ICE1: variants seen among roughly 807,000 people sequenced by gnomAD.
ICE1 encodes the protein little elongation complex subunit 1.
ICE1 carries 64 observed loss-of-function variants against 192.7 expected under a neutral mutation model. That is an observed-to-expected ratio of 0.33 (90% CI 0.27 to 0.41). ICE1 has a LOEUF of 0.41. Ranked by LOEUF, ICE1 falls within the 10% of genes least tolerant of loss-of-function variation. The pLI is 1.00. For missense variants in ICE1, 2,708 were observed against 2,696.0 expected (o/e 1.00, Z -0.10); for synonymous variants, 1,010 against 984.5 (o/e 1.03, Z -0.49).
intron 1 of ICE1, among the ~76,000 whole-genome samples, chr5:5,430,652 C>G (rs1304795605): frequency 6.6e-6 from 1 of 152,186 alleles, no homozygotes; most frequent in Non-Finnish European, 1.5e-5. Flanking sequence ...AAATAGTAGA[C>G]TCATTGCTGA....
chr5:5,464,235 C>G lies in ICE1; in HGVS notation c.4901C>G (p.Pro1634Arg). ...CAAGAGGTGGGGCCTCCTTTGCCGC[C>G]TCTGCTTGCTCCTCTGATAGCTACA... ...IRQEVGPPLP[P>R]LLAPLIATPP... Residue 1634 changes from proline to arginine, a missense_variant, in exon 13 of 19, where the codon CCT becomes CGT. By Grantham distance (103) the Pro-to-Arg change is moderately radical. Coordinates refer to ENST00000296564, the MANE Select transcript of ICE1 (RefSeq NM_015325.3). The surrounding 1 kb of genome is among the most constrained non-coding windows in gnomAD (Gnocchi z 4.0). 1 of 1,613,532 alleles carries G rather than the reference C, an allele frequency of 6.2e-7. No individual in the cohort carries two copies. Among genetic ancestry groups the G allele is most frequent in the South Asian group, 1.1e-5 (1 of 91,046 alleles).
chr5:5,449,220 T>G (rs16875582), intron 10 of ICE1, among the ~76,000 whole-genome samples: 8,631 of 152,242 alleles, frequency 0.057, 795 homozygotes, highest in African/African-American at 0.2. Flanking sequence ...ATATGTCTGT[T>G]GTATATTTTA....
chr5:5,469,913 T>C (rs16875609), intron 15 of ICE1, among the ~76,000 whole-genome samples: 7,745 of 152,222 alleles, frequency 0.051, 645 homozygotes, highest in East Asian at 0.35. Flanking sequence ...TGACTCCTAC[T>C]AATGGATACC....
At chr5:5,478,708 A>G (rs184010386) in intron 17 of ICE1, among the ~76,000 whole-genome samples, 1 of 152,336 alleles carries the variant, frequency 6.6e-6, no homozygotes, top group African/African-American at 2.4e-5. Context: ...CTAAAAGGCT[A>G]TAGAAGCCAA....
chr5:5,484,159 C>T lies in ICE1; in HGVS notation c.6521-2562C>T, dbSNP rs145861400. 4.7e-3 allele frequency among the ~76,000 whole-genome samples: 712 copies of T among 152,208 alleles called. 7 individuals are homozygous for T. Among genetic ancestry groups the T allele is most frequent in the African/African-American group, 0.016 (675 of 41,518 alleles). On this transcript the variant is annotated intron_variant, in intron 17 of 18. Coordinates refer to ENST00000296564, the MANE Select transcript of ICE1 (RefSeq NM_015325.3). ...TGGGGAGCTCTTCCTCCATCATGGC[C>T]AATCTGTCATCTCTGTCAGGTCATC...
At chr5:5,489,118 G>C in intron 18 of ICE1, 31 bp from the exon 19 acceptor site, 1 of 1,600,568 alleles carries the variant, frequency 6.2e-7, no homozygotes, top group Non-Finnish European at 8.5e-7. Context: ...ATATTTTCTT[G>C]TTTTATGACT....
intron 10 of ICE1, among the ~76,000 whole-genome samples, chr5:5,452,545 T>C (rs1164723061): frequency 6.6e-6 from 1 of 152,084 alleles, no homozygotes; most frequent in Non-Finnish European, 1.5e-5. Context: ...TACATAAACA[T>C]GTTCCTGGAT....
rs759097794 is a variant in ICE1, at chr5:5,443,081, T to G, written c.310-87T>G. The G allele has an allele frequency of 3.1e-5, 22 of 702,832 alleles. 1 individual carries two copies. The highest frequency in any genetic ancestry group is 4.5e-5 in the Non-Finnish European group (19 of 422,534). The allele number at this position is 702,832 out of a possible 1,614,324, so 43.5% of individuals were successfully genotyped here. ...TCTGCCTAATGTCTGTTTATTTGGT[T>G]AATAGCTTATCAAAGGCAAAGCAAG... On this transcript the variant is annotated intron_variant, in intron 5 of 18. Coordinates refer to ENST00000296564, the MANE Select transcript of ICE1 (RefSeq NM_015325.3).
chr5:5,437,031 A>G (rs780004639), intron 2 of ICE1, 49 bp from the exon 3 acceptor site: 11 of 1,160,076 alleles, frequency 9.5e-6, no homozygotes, highest in South Asian at 1.3e-5. Context: ...TTAACATAGT[A>G]TATTTTCTAA....
In ICE1 at chr5:5,463,500, A is replaced by T. The variant is rs374869427; in HGVS notation, c.4166A>T (p.Glu1389Val). The T allele has an allele frequency of 8.1e-5, 131 of 1,613,418 alleles. 1 individual carries two copies. Among genetic ancestry groups the T allele is most frequent in the Non-Finnish European group, 8.8e-5 (104 of 1,179,570 alleles). ...TCCATAGAGCAAAGTTCTAACTGCG[A>T]GGCCGAAACAACATTTCAGTGTCAG... ...EPSIEQSSNC[E>V]AETTFQCQIA... The change falls in exon 13 of 19, where the codon GAG becomes GTG. Residue 1389 changes from glutamate to valine, a missense_variant. Around this residue, in one of 2 missense-constraint regions of ICE1, gnomAD observed 2,366 missense variants for 2,276.6 expected, o/e 1.04. Coordinates refer to ENST00000296564, the MANE Select transcript of ICE1 (RefSeq NM_015325.3).
chr5:5,441,210 T>C lies in ICE1; in HGVS notation c.296T>C (p.Leu99Pro). The change falls in exon 5 of 19, where the codon CTA becomes CCA. Residue 99 changes from leucine to proline, a missense_variant. Physicochemically the swap from Leu to Pro is moderately conservative, Grantham distance 98. Transcript: ENST00000296564. ...QEELGSLKAELEEKKSSLKLY... is the reference protein window; with the variant it reads ...QEELGSLKAEPEEKKSSLKLY... The stretch of plus-strand genomic sequence containing the variant: ...GAACTGGGATCTTTAAAAGCAGAGC[T>C]AGAAGAGAAAAAGGTATGAACAATA... 6.5e-7 allele frequency: 1 copy of C among 1,549,980 alleles called. No homozygotes were observed. The highest frequency in any genetic ancestry group is 8.7e-7 in the Non-Finnish European group (1 of 1,143,000).
Position 5,476,051 on chromosome 5 carries a change from T to A in ICE1, c.6492T>A (p.Ile2164=), listed in dbSNP as rs1456329050. 6.2e-7 allele frequency: 1 copy of A among 1,605,904 alleles called. No homozygotes were observed. The highest frequency in any genetic ancestry group is 8.5e-7 in the Non-Finnish European group (1 of 1,174,332). Residue 2164 remains isoleucine (I), a synonymous_variant, in exon 17 of 19, where the codon ATT becomes ATA. Transcript: ENST00000296564. ...CAAACATTGCGTATACTCCTGATAT[T>A]ATTATAGCCTCAATACTGAGGCTGA... The part of the protein sequence containing the change: ...GHANIAYTPD[I]IIASILRLIG...
chr5:5,462,225 T>C lies in ICE1; in HGVS notation c.2891T>C (p.Ile964Thr), dbSNP rs776830774. 3 of 1,610,730 alleles carry C rather than the reference T, an allele frequency of 1.9e-6. No individual in the cohort carries two copies. Among genetic ancestry groups the C allele is most frequent in the East Asian group, 2.2e-5 (1 of 44,852 alleles). ...AGATTATCTTTCTCTCCTGAAAATATCCTCATCCAAAACCAAGACATTGTG... is the reference window on the plus strand; with the variant it reads ...AGATTATCTTTCTCTCCTGAAAATACCCTCATCCAAAACCAAGACATTGTG... ...NSRLSFSPEN[I>T]LIQNQDIVRE... Residue 964 changes from isoleucine to threonine, a missense_variant, in exon 13 of 19, where the codon ATC (isoleucine) becomes ACC (threonine). By Grantham distance (89) the Ile-to-Thr change is moderately conservative. Around this residue, in one of 2 missense-constraint regions of ICE1, gnomAD observed 2,366 missense variants for 2,276.6 expected, o/e 1.04. Transcript: ENST00000296564.
At chr5:5,478,258 A>T (rs931384203) in intron 17 of ICE1, among the ~76,000 whole-genome samples, 1 of 152,242 alleles carries the variant, frequency 6.6e-6, no homozygotes, top group Non-Finnish European at 1.5e-5. Context: ...CAGCTTCAGC[A>T]AAGTCTCAGG....
chr5:5,487,548 G>A (rs1051668233), intron 18 of ICE1, among the ~76,000 whole-genome samples: 1 of 152,120 alleles, frequency 6.6e-6, no homozygotes, highest in Admixed American at 6.5e-5. Flanking sequence ...AGCTTAATGA[G>A]AACAGTGTTT....
intron 1 of ICE1, among the ~76,000 whole-genome samples, chr5:5,423,833 A>AC (rs1737425976): frequency 6.6e-6 from 1 of 152,226 alleles, no homozygotes; most frequent in Non-Finnish European, 1.5e-5. Context: ...TCTAGGAACT[A>AC]CAGACATTGT....
Position 5,461,267 on chromosome 5 carries a change from C to T in ICE1, c.1933C>T (p.Pro645Ser). 6.2e-7 allele frequency: 1 copy of T among 1,613,860 alleles called. No homozygotes were observed. The highest frequency in any genetic ancestry group is 8.5e-7 in the Non-Finnish European group (1 of 1,179,808). Residue 645 changes from proline (P) to serine (S), a missense_variant, in exon 13 of 19, where the codon CCC (proline) becomes TCC (serine). Around this residue, in one of 2 missense-constraint regions of ICE1, gnomAD observed 2,366 missense variants for 2,276.6 expected, o/e 1.04. Transcript: ENST00000296564. ...TLVALSVGSN[P>S]QSSSGLDCGN... The stretch of plus-strand genomic sequence containing the variant: ...GGTAGCATTGTCTGTTGGCAGTAAT[C>T]CCCAGTCTTCTTCTGGGTTAGACTG...
intron 5 of ICE1, among the ~76,000 whole-genome samples, chr5:5,441,944 T>TATTTCTTTTAGGGCATGTTCG (rs1738065121): frequency 6.6e-6 from 1 of 152,204 alleles, no homozygotes; most frequent in Admixed American, 6.5e-5. Context: ...GGTTAGGGGT[T>TATTTCTTTTAGGGCATGTTCG]ATTTCTTTTA....
chr5:5,462,473 G>A lies in ICE1; in HGVS notation c.3139G>A (p.Gly1047Arg). ...DSTSTPQNAN[G>R]LWKLKSTTPG... is the part of the protein sequence containing the mutation. ...TACCAGCACACCACAAAATGCTAAT[G>A]GACTTTGGAAATTGAAATCTACAAC... Residue 1047 changes from glycine to arginine, a missense_variant, in exon 13 of 19, where the codon GGA becomes AGA. Gly to Arg is a moderately radical substitution (Grantham distance 125, BLOSUM62 -2). Coordinates refer to ENST00000296564, the MANE Select transcript of ICE1 (RefSeq NM_015325.3). 2.5e-6 allele frequency: 4 copies of A among 1,613,986 alleles called. No homozygotes were observed. The highest frequency in any genetic ancestry group is 1.1e-5 in the South Asian group (1 of 91,066).
Sources: allele counts gnomAD v4.1 joint callset (sites outside exome capture counted in the v4.1 genomes callset), GRCh38; gene constraint gnomAD v4.1.1; regional missense constraint gnomAD v4.1.1; non-coding constraint Gnocchi (gnomAD v3.1); transcripts MANE v1.5; gene names NCBI Gene and HGNC (gene_info 2026-07-23, HGNC 2026-07-21).